Variants in FRMPD4 observed in about 807,000 individuals in gnomAD.
FRMPD4 encodes FERM and PDZ domain containing 4, also known as FERM and PDZ domain-containing protein 4.
Under a neutral mutation model 94.1 loss-of-function variants are expected in FRMPD4, and 22 were observed. That is an observed-to-expected ratio of 0.23 (90% CI 0.17 to 0.33). The LOEUF is 0.33. Among genes scored for constraint, FRMPD4 ranks in the 10% least tolerant of loss-of-function variants. The pLI is 1.00. For missense variants in FRMPD4, 1,111 were observed against 1,339.9 expected, an observed-to-expected ratio of 0.83 and a Z score of 2.67; for synonymous variants, 631 against 548.6, an observed-to-expected ratio of 1.15 and a Z score of -2.10.
chrX:11,890,361 T>G (rs1404350182), intron 3 of FRMPD4, among the ~76,000 whole-genome samples: 8 of 111,293 alleles, frequency 7.2e-5, no homozygotes, highest in South Asian at 3.9e-4. Flanking sequence ...AATCTGCCTT[T>G]CCCAAGGTTC....
At chrX:12,671,661 C>G (rs1055584375) in intron 4 of FRMPD4, among the ~76,000 whole-genome samples, 2 of 110,445 alleles carry the variant, frequency 1.8e-5, no homozygotes, top group African/African-American at 6.6e-5. Context: ...GTGCAGCAAA[C>G]CACCATGGTA....
chrX:12,539,688 C>T (rs1429463243), intron 2 of FRMPD4, among the ~76,000 whole-genome samples: 2 of 110,069 alleles, frequency 1.8e-5, no homozygotes, highest in African/African-American at 6.6e-5. Context: ...GGCTGGAGTG[C>T]AATGGCACGA....
intron 1 of FRMPD4, among the ~76,000 whole-genome samples, chrX:11,864,949 A>C (rs2053709780): frequency 8.9e-6 from 1 of 112,149 alleles, no homozygotes; most frequent in South Asian, 3.7e-4. Context: ...GTAGAGGTAG[A>C]AAAGGACATC....
intron 2 of FRMPD4, among the ~76,000 whole-genome samples, chrX:12,601,588 G>A (rs902866268): frequency 9.8e-5 from 11 of 111,726 alleles, no homozygotes; most frequent in Non-Finnish European, 1.3e-4. Flanking sequence ...TTCTCATGTA[G>A]CACATATAAA....
intron 1 of FRMPD4, among the ~76,000 whole-genome samples, chrX:12,207,294 A>G (rs1190243873): frequency 1.8e-5 from 2 of 111,579 alleles, no homozygotes; most frequent in South Asian, 3.8e-4. Flanking sequence ...TTAAGCCCCA[A>G]TGCTCTTTTC....
intron 1 of FRMPD4, among the ~76,000 whole-genome samples, chrX:12,152,922 C>CT (rs2055877147): frequency 2.5e-5 from 2 of 79,674 alleles, no homozygotes; most frequent in Admixed American, 1.7e-4. Flanking sequence ...AAAGCTTATA[C>CT]ATTTTTTTTT....
At chrX:12,006,196 C>T (rs1345042445) in intron 3 of FRMPD4, among the ~76,000 whole-genome samples, 6 of 111,680 alleles carry the variant, frequency 5.4e-5, no homozygotes, top group South Asian at 3.8e-4. Context: ...TCCCCTCAAA[C>T]GTAGGATTTC....
intron 1 of FRMPD4, among the ~76,000 whole-genome samples, chrX:12,460,238 C>T (rs892605804): frequency 5.4e-5 from 6 of 111,474 alleles, no homozygotes; most frequent in Non-Finnish European, 7.5e-5. Flanking sequence ...ATGTGTCTTC[C>T]GAAAACCAAA....
At chrX:12,244,344 C>T (rs1219885107) in intron 1 of FRMPD4, among the ~76,000 whole-genome samples, 1 of 111,270 alleles carries the variant, frequency 9.0e-6, no homozygotes, top group Admixed American at 9.5e-5. Context: ...AACATATGCC[C>T]CTTCAGACTT....
In FRMPD4 at chrX:12,335,526, A is replaced by G. The variant is rs141479616; in HGVS notation, c.42-163154A>G. ...TAACACATTGCCTCCTACCCAACAC[A>G]AGGAATGTATTATAAGCCTCCTTCC... On this transcript the variant is annotated intron_variant, in intron 1 of 16. Coordinates refer to ENST00000675598, the MANE Select transcript of FRMPD4 (RefSeq NM_001368397.1). 1.1e-3 allele frequency among the ~76,000 whole-genome samples: 125 copies of G among 111,330 alleles called. No individual in the cohort carries two copies. In the East Asian group the frequency reaches 0.026, roughly 23 times the overall value.
intron 1 of FRMPD4, among the ~76,000 whole-genome samples, chrX:12,393,275 C>T (rs2056501093): frequency 8.9e-6 from 1 of 111,950 alleles, no homozygotes; most frequent in East Asian, 2.8e-4. Context: ...CTTATTAATC[C>T]ATTCTACCCC....
chrX:12,618,120 T>TACC (rs2059252333), intron 4 of FRMPD4, among the ~76,000 whole-genome samples: 1 of 111,880 alleles, frequency 8.9e-6, no homozygotes, highest in African/African-American at 3.2e-5. Context: ...CTTTACAAAT[T>TACC]ACCATATCTT....
intron 3 of FRMPD4, among the ~76,000 whole-genome samples, chrX:12,005,182 C>G (rs5935220): frequency 0.057 from 6,098 of 107,829 alleles, 281 homozygotes; most frequent in East Asian, 0.17. Context: ...GCTTCTCAAA[C>G]TATAGAGTGC....
chrX:12,498,868 G>A, intron 2 of FRMPD4, 72 bp downstream of exon 2: 3 of 584,610 alleles, frequency 5.1e-6, no homozygotes, highest in South Asian at 3.3e-5. Flanking sequence ...TTATGAGAAT[G>A]AACATACTTA....
At chrX:12,058,906 G>A (rs1316615170) in intron 3 of FRMPD4, among the ~76,000 whole-genome samples, 9 of 110,957 alleles carry the variant, frequency 8.1e-5, no homozygotes, top group South Asian at 3.8e-4. Context: ...AACAGCCCCC[G>A]TATCAAAGAA....
intron 4 of FRMPD4, among the ~76,000 whole-genome samples, chrX:12,655,885 A>G (rs189093117): frequency 8.9e-6 from 1 of 112,337 alleles, no homozygotes; most frequent in Admixed American, 9.4e-5. Flanking sequence ...GGGAGTCCCA[A>G]TAATTTTCAT....
intron 3 of FRMPD4, among the ~76,000 whole-genome samples, chrX:12,035,621 G>A (rs1213057263): frequency 9.0e-6 from 1 of 111,543 alleles, no homozygotes; most frequent in African/African-American, 3.3e-5. Context: ...GATCTAGTCT[G>A]GCCTCTTGGG....
chrX:12,373,902 G>A (rs2056196776), intron 1 of FRMPD4, among the ~76,000 whole-genome samples: 1 of 112,101 alleles, frequency 8.9e-6, no homozygotes, highest in Non-Finnish European at 1.9e-5. Flanking sequence ...TACCTGCATT[G>A]CAAATGTCAG....
At chrX:11,840,599 G>A (rs1157043314) in intron 1 of FRMPD4, among the ~76,000 whole-genome samples, 1 of 109,900 alleles carries the variant, frequency 9.1e-6, no homozygotes, top group Non-Finnish European at 1.9e-5. Flanking sequence ...AATAGAAATG[G>A]CAAGGATGTT....
Sources: allele counts gnomAD v4.1 joint callset (sites outside exome capture counted in the v4.1 genomes callset), GRCh38; gene constraint gnomAD v4.1.1; transcripts MANE v1.5; gene names NCBI Gene and HGNC (gene_info 2026-07-23, HGNC 2026-07-21).